The following ANK1 variants were observed in gnomAD, a reference collection of about 807,000 sequenced individuals.
ANK1 encodes the protein ankyrin 1, also known as ankyrin-1.
In ANK1, 51 loss-of-function variants were observed where a neutral mutation model predicts 210.4. That is an observed-to-expected ratio of 0.24 (90% CI 0.19 to 0.31). The LOEUF (loss-of-function observed/expected upper bound fraction) is 0.31. ANK1 is among the 10% of genes least tolerant of loss of function. The probability of loss-of-function intolerance (pLI) is 1.00; values close to 1 mark genes in which losing one functional copy is unlikely to be tolerated. For synonymous variants in ANK1, 967 were observed against 1,025.9 expected (o/e 0.94, Z 1.10); for missense variants, 2,051 against 2,504.4 (o/e 0.82, Z 3.86).
In ANK1 at chr8:41,858,078, T is replaced by A. The variant is rs977372180; in HGVS notation, c.126+38277A>T. 2.0e-5 allele frequency among the ~76,000 whole-genome samples: 3 copies of A among 151,858 alleles called. No individual in the cohort carries two copies. In the South Asian group the frequency reaches 6.3e-4, roughly 32 times the overall value. On this transcript the variant is annotated intron_variant, in intron 1 of 42. Coordinates refer to the ANK1 transcript ENST00000265709. ...CCCCCCATCTCTACAAAATAGTTTT[T>A]AAAAATTATCCAGGTTGGTGGCATG...
chr8:41,806,548 C>T (rs1220607247), intron 1 of ANK1, among the ~76,000 whole-genome samples: 2 of 152,174 alleles, frequency 1.3e-5, no homozygotes, highest in African/African-American at 4.8e-5. Flanking sequence ...AACCCTGTCT[C>T]TACTAAAAAT....
chr8:41,882,976 C>A (rs1429331195), intron 1 of ANK1, among the ~76,000 whole-genome samples: 2 of 152,238 alleles, frequency 1.3e-5, no homozygotes, highest in Non-Finnish European at 2.9e-5. Flanking sequence ...TCCGCCCTCC[C>A]CAAAGTCACT....
At chr8:41,852,493 GA>G (rs1199789256) in intron 1 of ANK1, among the ~76,000 whole-genome samples, 1 of 152,224 alleles carries the variant, frequency 6.6e-6, no homozygotes, top group African/African-American at 2.4e-5. Flanking sequence ...ACACATGGGG[GA>G]CATACAGAGG....
chr8:41,758,170 T>C, intron 1 of ANK1, 33 bp from the exon 2 acceptor site: 1 of 1,593,712 alleles, frequency 6.3e-7, no homozygotes, highest in Non-Finnish European at 8.6e-7. Context: ...GTGAGTGTCC[T>C]GGGTGTATTA....
exon 1 of ANK1, chr8:41,896,589 C>A: frequency 7.3e-7 from 1 of 1,363,868 alleles, no homozygotes; most frequent in South Asian, 1.6e-5. Context: ...ACAGAGGGGA[C>A]AGCGTTCGTG....
intron 37 of ANK1, among the ~76,000 whole-genome samples, chr8:41,678,025 T>C (rs1043334797): frequency 6.6e-6 from 1 of 152,240 alleles, no homozygotes; most frequent in Admixed American, 6.5e-5. Context: ...CTGCTAATAA[T>C]GTGCCCTGAT....
intron 1 of ANK1, among the ~76,000 whole-genome samples, chr8:41,831,928 C>A (rs538092416): frequency 3.3e-5 from 5 of 152,076 alleles, no homozygotes; most frequent in African/African-American, 7.2e-5. Context: ...GCAAGGCCTT[C>A]GGACTATATG....
At chr8:41,785,517 C>T (rs991125883) in intron 1 of ANK1, among the ~76,000 whole-genome samples, 1 of 152,172 alleles carries the variant, frequency 6.6e-6, no homozygotes, top group Non-Finnish European at 1.5e-5. Context: ...CCTCAGTGTC[C>T]TTATCTGTAG....
chr8:41,714,109 AG>A lies in ANK1; in HGVS notation c.1800+46del, dbSNP rs529427555. 83 of 1,264,042 alleles carry A rather than the reference AG, an allele frequency of 6.6e-5. No individual in the cohort carries two copies. In the African/African-American group the frequency reaches 1.0e-3, roughly 16 times the overall value. The allele number at this position is 1,264,042 out of a possible 1,614,324, so 78.3% of individuals were successfully genotyped here. A position where few individuals can be genotyped will look rare whatever the true frequency, so the allele number is the denominator to read the frequency against. On this transcript the variant is annotated intron_variant, in intron 16 of 42. Transcript: ENST00000289734. ...CCTCCCTGAGGGACTGGAAGGTAGC[AG>A]GTGACCTGCTCTCCAGGGGCAGCTG...
rs1479367368 is a variant in ANK1, at chr8:41,716,933, T to C, written c.1404+20A>G. On this transcript the variant is annotated intron_variant, in intron 13 of 42. Coordinates refer to ENST00000289734, the MANE Select transcript of ANK1 (RefSeq NM_000037.4). ...ACTGCTCACATCTGAAACCCTTCCCTTCCTGCCTTCACTACTCACCTTGGC... is the reference window on the plus strand; with the variant it reads ...ACTGCTCACATCTGAAACCCTTCCCCTCCTGCCTTCACTACTCACCTTGGC... 1 of 1,611,974 alleles carries C rather than the reference T, an allele frequency of 6.2e-7. No individual in the cohort carries two copies. The highest frequency in any genetic ancestry group is 8.5e-7 in the Non-Finnish European group (1 of 1,178,764).
chr8:41,717,989 G>T, intron 11 of ANK1, 117 bp downstream of exon 11: 1 of 996,648 alleles, frequency 1.0e-6, no homozygotes, highest in Non-Finnish European at 1.5e-6. Context: ...CAGCAGTCCA[G>T]ACTTGCAGAC....
rs199727269 is a variant in ANK1 at position 41,688,476 on chromosome 8, G to C, written c.4183+35C>G. 8.7e-6 allele frequency: 14 copies of C among 1,605,586 alleles called. No individual in the cohort carries two copies. The East Asian group carries it at 3.1e-4, about 36-fold the overall frequency. Reference sequence around the variant, plus strand: ...AGCTCACGCCCACCCTTCTTGGGAAGGGAGCAAGCATGCATCATCACACAG... The same window carrying C: ...AGCTCACGCCCACCCTTCTTGGGAACGGAGCAAGCATGCATCATCACACAG... On this transcript the variant is annotated intron_variant, in intron 34 of 42. Coordinates refer to ENST00000289734, the MANE Select transcript of ANK1 (RefSeq NM_000037.4).
At chr8:41,734,138 G>C in intron 2 of ANK1, 69 bp from the exon 3 acceptor site, 1 of 1,346,642 alleles carries the variant, frequency 7.4e-7, no homozygotes, top group Admixed American at 1.7e-5. Flanking sequence ...CCCAGTGGGG[G>C]CCCAGGCCCC....
At chr8:41,825,268 A>G (rs1805169119) in intron 1 of ANK1, among the ~76,000 whole-genome samples, 2 of 152,228 alleles carry the variant, frequency 1.3e-5, no homozygotes, top group Non-Finnish European at 2.9e-5. Flanking sequence ...TTTTGAGCTC[A>G]TGATGTTACT....
intron 22 of ANK1, chr8:41,700,472 G>C (rs929050485): frequency 6.2e-7 from 1 of 1,613,066 alleles, no homozygotes; most frequent in Non-Finnish European, 8.5e-7. Context: ...GCAAAGGAGA[G>C]CAGAATTGAA....
Position 41,654,677 on chromosome 8 carries a change from G to A in ANK1, c.*1113C>T, listed in dbSNP as rs1805112334. ...CTCAGGAGCTGCGCTGTCAGGCTCT[G>A]TACGTACTGCTAAATGTTTCTATTG... is the stretch of plus-strand genomic sequence containing the variant. On this transcript the variant is annotated 3_prime_UTR_variant, in exon 43 of 43. Transcript: ENST00000289734. 6.5e-6 allele frequency: 1 copy of A among 152,698 alleles called. No homozygotes were observed. Among genetic ancestry groups the A allele is most frequent in the African/African-American group, 2.4e-5 (1 of 41,464 alleles). The allele number at this position is 152,698 out of a possible 1,614,324, so 9.5% of individuals were successfully genotyped here.
intron 1 of ANK1, among the ~76,000 whole-genome samples, chr8:41,846,946 C>A (rs1430128141): frequency 6.6e-6 from 1 of 152,172 alleles, no homozygotes; most frequent in Non-Finnish European, 1.5e-5. Flanking sequence ...CCTCGGCCTG[C>A]CACTCCCTGC....
chr8:41,864,168 T>C (rs926135888), intron 1 of ANK1, among the ~76,000 whole-genome samples: 5 of 148,190 alleles, frequency 3.4e-5, no homozygotes, highest in African/African-American at 1.3e-4. Flanking sequence ...AAGAATGGCA[T>C]GAACCTGGGA....
intron 1 of ANK1, among the ~76,000 whole-genome samples, chr8:41,877,943 A>G (rs2150829450): frequency 6.6e-6 from 1 of 152,304 alleles, no homozygotes; most frequent in Admixed American, 6.5e-5. Flanking sequence ...GAGGACAGGG[A>G]CAGGAGGTTG....
Sources: allele counts gnomAD v4.1 joint callset (sites outside exome capture counted in the v4.1 genomes callset), GRCh38; gene constraint gnomAD v4.1.1; transcripts MANE v1.5; gene names NCBI Gene and HGNC (gene_info 2026-07-23, HGNC 2026-07-21).